Variants in NCOA3 observed in about 807,000 individuals in gnomAD.
The protein encoded by NCOA3 is CBP-interacting protein.
NCOA3 carries 51 observed loss-of-function variants against 158.8 expected under a neutral mutation model. The ratio of observed to expected loss-of-function variants is 0.32; its 90% CI spans 0.26 to 0.41. NCOA3 has a LOEUF of 0.41. NCOA3 is among the 10% of genes least tolerant of loss of function. The probability of loss-of-function intolerance (pLI) is 1.00; values close to 1 mark genes in which losing one functional copy is unlikely to be tolerated. For missense variants in NCOA3, 1,510 were observed against 1,746.6 expected (o/e 0.86, Z 2.41); for synonymous variants, 537 against 592.4 (o/e 0.91, Z 1.36).
chr20:47,562,600 T>C (rs967782058), intron 1 of NCOA3, among the ~76,000 whole-genome samples: 1 of 152,168 alleles, frequency 6.6e-6, no homozygotes, highest in Admixed American at 6.6e-5. Flanking sequence ...GGATCTAGCT[T>C]TAAGGAATTA....
chr20:47,512,514 G>A (rs1204962523), intron 1 of NCOA3, among the ~76,000 whole-genome samples: 3 of 150,608 alleles, frequency 2.0e-5, no homozygotes, highest in African/African-American at 7.4e-5. Flanking sequence ...GTTGCAGTGT[G>A]CCGACATAGC....
chr20:47,505,363 T>G (rs1194939996), intron 1 of NCOA3, among the ~76,000 whole-genome samples: 1 of 152,082 alleles, frequency 6.6e-6, no homozygotes, highest in Non-Finnish European at 1.5e-5. Flanking sequence ...CCAGCCTGCA[T>G]TTTTTAAAAA....
intron 17 of NCOA3, among the ~76,000 whole-genome samples, chr20:47,644,610 TGC>T (rs1171623360): frequency 2.6e-5 from 4 of 152,238 alleles, no homozygotes; most frequent in Non-Finnish European, 5.9e-5. Flanking sequence ...TTTGACACTT[TGC>T]AAGTGTGAGC....
intron 2 of NCOA3, among the ~76,000 whole-genome samples, chr20:47,595,856 C>G (rs1381251366): frequency 6.6e-6 from 1 of 152,034 alleles, no homozygotes; most frequent in Non-Finnish European, 1.5e-5. Flanking sequence ...TTTCATCTAG[C>G]TCACTATTCT....
intron 2 of NCOA3, among the ~76,000 whole-genome samples, chr20:47,596,945 A>G (rs1002588324): frequency 5.9e-5 from 9 of 152,150 alleles, no homozygotes; most frequent in African/African-American, 1.9e-4. Flanking sequence ...TTTATTAGCT[A>G]AGTTATTTCA....
intron 1 of NCOA3, among the ~76,000 whole-genome samples, chr20:47,554,243 G>A: frequency 6.6e-6 from 1 of 152,046 alleles, no homozygotes; most frequent in East Asian, 1.9e-4. Flanking sequence ...TTTTGATGGG[G>A]TTGTTTGTTT....
chr20:47,533,214 G>A (rs1209337), intron 1 of NCOA3, among the ~76,000 whole-genome samples: 93 of 149,280 alleles, frequency 6.2e-4, no homozygotes, highest in African/African-American at 2.2e-3. Context: ...GAATTTGGGA[G>A]GCGGAGGTTG....
chr20:47,569,155 G>A (rs1019402817), intron 1 of NCOA3, among the ~76,000 whole-genome samples: 3 of 151,976 alleles, frequency 2.0e-5, no homozygotes, highest in African/African-American at 7.3e-5. Context: ...AGACCAAGCT[G>A]GGCAACATAG....
At chr20:47,531,636 A>C (rs751683038) in intron 1 of NCOA3, among the ~76,000 whole-genome samples, 1 of 152,124 alleles carries the variant, frequency 6.6e-6, no homozygotes, top group East Asian at 1.9e-4. Flanking sequence ...TCCCTTGTAC[A>C]GTCTCATCCT....
chr20:47,619,894 C>T (rs181623888), intron 2 of NCOA3, among the ~76,000 whole-genome samples: 21 of 151,464 alleles, frequency 1.4e-4, no homozygotes, highest in African/African-American at 4.6e-4. Flanking sequence ...CTTCCGGGTT[C>T]ATGCGATTCT....
chr20:47,544,549 T>C (rs1386663655), intron 1 of NCOA3, among the ~76,000 whole-genome samples: 2 of 152,100 alleles, frequency 1.3e-5, no homozygotes, highest in East Asian at 3.8e-4. Flanking sequence ...ATTAAAATCC[T>C]TATGTAATAG....
In NCOA3 at chr20:47,635,329, A is replaced by T; in HGVS notation, c.1120A>T (p.Asn374Tyr). 6.3e-7 allele frequency: 1 copy of T among 1,591,192 alleles called. No individual in the cohort carries two copies. The highest frequency in any genetic ancestry group is 8.6e-7 in the Non-Finnish European group (1 of 1,162,084). The stretch of plus-strand genomic sequence containing the variant: ...TTGATGTTTGTTTTGCAGAGAACAG[A>T]ATGGATATAGACCAAACCCAAATCC... ...VSTHFLQREQ[N>Y]GYRPNPNPVG... Residue 374 changes from asparagine (N) to tyrosine (Y), a missense_variant, in exon 11 of 23, where the codon AAT becomes TAT. Asn to Tyr is a moderately radical substitution (Grantham distance 143, BLOSUM62 -2). This residue lies in a region of NCOA3 where 1,017 missense variants were observed against 1,098.3 expected (regional missense o/e 0.93). Coordinates refer to ENST00000371998, the MANE Select transcript of NCOA3 (RefSeq NM_181659.3).
chr20:47,504,417 TG>T (rs1471484965), intron 1 of NCOA3, among the ~76,000 whole-genome samples: 20 of 151,808 alleles, frequency 1.3e-4, no homozygotes, highest in Admixed American at 1.3e-3. Context: ...TCTTCTTGAC[TG>T]GTCTTTTGAA....
chr20:47,524,559 C>G (rs562989549), intron 1 of NCOA3, among the ~76,000 whole-genome samples: 2 of 152,008 alleles, frequency 1.3e-5, no homozygotes, highest in Admixed American at 1.3e-4. Flanking sequence ...CTTGGGCACA[C>G]GTGGAGTGGT....
At chr20:47,603,611 G>T (rs1180615427) in intron 2 of NCOA3, among the ~76,000 whole-genome samples, 1 of 152,248 alleles carries the variant, frequency 6.6e-6, no homozygotes, top group Admixed American at 6.5e-5. Flanking sequence ...GGTGAATGTG[G>T]GGATTTTATT....
rs558780628 is a variant in NCOA3, at chr20:47,565,054, T to G, written c.-98-18129T>G. 9.2e-5 allele frequency among the ~76,000 whole-genome samples: 14 copies of G among 152,200 alleles called. No individual in the cohort carries two copies. In the South Asian group the frequency reaches 2.5e-3, roughly 27 times the overall value. On this transcript the variant is annotated intron_variant, in intron 1 of 22. Coordinates refer to ENST00000371998, the MANE Select transcript of NCOA3 (RefSeq NM_181659.3). ...TGAAGTGCAGTGGCACGATCTCGAC[T>G]CACTGCAACCTCTGCCTCGTGGGTT...
chr20:47,512,587 A>T (rs6018518), intron 1 of NCOA3, among the ~76,000 whole-genome samples: 1 of 144,564 alleles, frequency 6.9e-6, no homozygotes, highest in South Asian at 2.2e-4. Context: ...AAAAAAAAAA[A>T]AACACAAAAG....
At position 47,636,238 on chromosome 20, in the gene NCOA3, C is replaced by T. The variant is rs2086513276; in HGVS notation, c.1852C>T (p.His618Tyr). Residue 618 changes from histidine to tyrosine, a missense_variant, in exon 12 of 23, where the codon CAT becomes TAT. Physicochemically the swap from His to Tyr is moderately conservative, Grantham distance 83 (BLOSUM62 2). This residue lies in a region of NCOA3 where 1,017 missense variants were observed against 1,098.3 expected (regional missense o/e 0.93). Transcript: ENST00000371998. ...NQRGPLESKGHKKLLQLLTCS... is the reference protein window; with the variant it reads ...NQRGPLESKGYKKLLQLLTCS... ...AAGGGGTCCTTTGGAAAGCAAAGGT[C>T]ATAAAAAATTACTGCAGTTACTTAC... 3.1e-6 allele frequency: 5 copies of T among 1,614,136 alleles called. No individual in the cohort carries two copies. Among genetic ancestry groups the T allele is most frequent in the Non-Finnish European group, 4.2e-6 (5 of 1,180,016 alleles).
Position 47,511,550 on chromosome 20 carries a change from T to TATACATACACAC in NCOA3, c.-99+9534_-99+9535insCATACACACATA, listed in dbSNP as rs1556556372. On this transcript the variant is annotated intron_variant, in intron 1 of 22. Coordinates refer to ENST00000371998, the MANE Select transcript of NCOA3 (RefSeq NM_181659.3). ...ATATATATATATATATATATATATA[T>TATACATACACAC]ATATATTTCTTTTTTTTTTTGAGAC... Among the ~76,000 whole-genome samples, 17 of 52,270 alleles carry TATACATACACAC rather than the reference T, an allele frequency of 3.3e-4. 2 individuals carry two copies. The highest frequency in any genetic ancestry group is 6.4e-4 in the Non-Finnish European group (16 of 25,114). The allele number at this position is 52,270 out of a possible 152,430, so 34.3% of individuals were successfully genotyped here.
Sources: gnomAD v4.1 joint callset for allele counts (sites outside exome capture counted in the v4.1 genomes callset) on GRCh38, gnomAD v4.1.1 for gene constraint, gnomAD v4.1.1 regional missense constraint, MANE v1.5 for transcripts, NCBI Gene and HGNC (gene_info 2026-07-23, HGNC 2026-07-21) for gene names.